The following GAS2 variants were observed in gnomAD, a reference collection of about 807,000 sequenced individuals.
GAS2 encodes growth arrest-specific protein 2.
GAS2 carries 20 observed loss-of-function variants against 37.5 expected under a neutral mutation model. That is an observed-to-expected ratio of 0.53 (90% CI 0.37 to 0.77). The LOEUF is 0.77. Among genes scored for constraint, GAS2 ranks in the 30% least tolerant of loss-of-function variants. The pLI is 0.00. For synonymous variants in GAS2, 144 were observed against 132.2 expected, an observed-to-expected ratio of 1.09 and a Z score of -0.61; for missense variants, 336 against 373.4, an observed-to-expected ratio of 0.90 and a Z score of 0.82.
intron 1 of GAS2, among the ~76,000 whole-genome samples, chr11:22,640,150 C>T (rs560183827): frequency 3.9e-4 from 59 of 152,272 alleles, no homozygotes; most frequent in African/African-American, 1.2e-3. Flanking sequence ...AGTTTCCTTG[C>T]GGGCACAGAT....
At chr11:22,728,807 G>A (rs1032849834) in intron 4 of GAS2, among the ~76,000 whole-genome samples, 1 of 151,290 alleles carries the variant, frequency 6.6e-6, no homozygotes, top group African/African-American at 2.4e-5. Flanking sequence ...GCTCATAAAT[G>A]TTCATGATAA....
chr11:22,702,493 C>T (rs1850894765), intron 3 of GAS2: 1 of 152,130 alleles, frequency 6.6e-6, no homozygotes, highest in Non-Finnish European at 1.5e-5. Flanking sequence ...ATATGCAAAG[C>T]ATGGAAAACC....
chr11:22,793,933 G>A (rs1856301371), intron 7 of GAS2, among the ~76,000 whole-genome samples: 2 of 152,162 alleles, frequency 1.3e-5, no homozygotes, highest in South Asian at 4.1e-4. Context: ...CCTAAGGTCA[G>A]AAGACTGTTC....
rs1183501959 is a variant in GAS2 at position 22,776,322 on chromosome 11, G to GCAATAACA, written c.723+20370_723+20371insAATAACAC. On this transcript the variant is annotated intron_variant, in intron 7 of 7. Transcript: ENST00000454584. ...GTTTTAGCAATGAATTTGCGTGGTGGCTGTGTTCCAATAACACTGTACTTA... is the reference window on the plus strand; with the variant it reads ...GTTTTAGCAATGAATTTGCGTGGTGGCAATAACACTGTGTTCCAATAACACTGTACTTA... Among the ~76,000 whole-genome samples, 545 of 152,298 alleles carry GCAATAACA rather than the reference G, an allele frequency of 3.6e-3. 1 individual carries two copies. Among genetic ancestry groups the GCAATAACA allele is most frequent in the African/African-American group, 0.012 (516 of 41,562 alleles).
At chr11:22,744,046 G>A (rs1197620756) in intron 5 of GAS2, among the ~76,000 whole-genome samples, 3 of 152,086 alleles carry the variant, frequency 2.0e-5, no homozygotes, top group Admixed American at 2.0e-4. Flanking sequence ...CTAGAGGAAT[G>A]GATAAAATCC....
chr11:22,727,817 T>G (rs1258821601), intron 4 of GAS2, among the ~76,000 whole-genome samples: 1 of 152,034 alleles, frequency 6.6e-6, no homozygotes, highest in Non-Finnish European at 1.5e-5. Flanking sequence ...ACAGATCAAT[T>G]TTAACTTTCA....
chr11:22,639,955 T>C (rs922536127), intron 1 of GAS2, among the ~76,000 whole-genome samples: 2 of 152,184 alleles, frequency 1.3e-5, no homozygotes, highest in Non-Finnish European at 2.9e-5. Context: ...TAATCCATCC[T>C]GTGGTCTTCT....
chr11:22,764,719 C>T (rs962990241), intron 7 of GAS2, among the ~76,000 whole-genome samples: 7 of 152,112 alleles, frequency 4.6e-5, no homozygotes, highest in Non-Finnish European at 1.0e-4. Flanking sequence ...AGTTAGAGAG[C>T]TCATTTCTTC....
chr11:22,652,242 G>A (rs558609565), intron 1 of GAS2, among the ~76,000 whole-genome samples: 9 of 152,316 alleles, frequency 5.9e-5, no homozygotes, highest in African/African-American at 2.2e-4. Flanking sequence ...GGGGGTCAGG[G>A]GGTCAGGGAC....
At chr11:22,754,539 C>T (rs1853918421) in intron 6 of GAS2, among the ~76,000 whole-genome samples, 1 of 152,038 alleles carries the variant, frequency 6.6e-6, no homozygotes, top group African/African-American at 2.4e-5. Context: ...TCTTTGTATA[C>T]ATCCTCACTG....
intron 7 of GAS2, among the ~76,000 whole-genome samples, chr11:22,800,426 G>T (rs111928564): frequency 4.8e-4 from 73 of 152,188 alleles, no homozygotes; most frequent in African/African-American, 1.7e-3. Flanking sequence ...ACTAGACAAT[G>T]GAGAGCCCTC....
intron 6 of GAS2, among the ~76,000 whole-genome samples, chr11:22,749,819 C>T (rs1374192021): frequency 6.6e-6 from 1 of 152,086 alleles, no homozygotes; most frequent in Admixed American, 6.6e-5. Context: ...CTTAGCAGAG[C>T]CCTTGAGTCA....
intron 7 of GAS2, among the ~76,000 whole-genome samples, chr11:22,795,718 T>C (rs1221621323): frequency 6.6e-6 from 1 of 152,072 alleles, no homozygotes. Flanking sequence ...CTCTGTAGTT[T>C]ACACCCAGGG....
At chr11:22,673,994 C>G (rs1216430271) in intron 1 of GAS2, among the ~76,000 whole-genome samples, 2 of 152,132 alleles carry the variant, frequency 1.3e-5, no homozygotes, top group Admixed American at 6.5e-5. Flanking sequence ...ATTGTTGTAG[C>G]AATAGCAGAG....
intron 1 of GAS2, among the ~76,000 whole-genome samples, chr11:22,673,033 A>G (rs1849266374): frequency 6.6e-6 from 1 of 152,172 alleles, no homozygotes; most frequent in Non-Finnish European, 1.5e-5. Context: ...AGATATATAT[A>G]AGATGTTTTC....
chr11:22,723,266 G>A (rs1852033570), intron 3 of GAS2, among the ~76,000 whole-genome samples: 1 of 151,840 alleles, frequency 6.6e-6, no homozygotes. Context: ...CTCAAGTTTT[G>A]GAGTATCAAT....
At chr11:22,631,723 A>G (rs1858746835) in intron 1 of GAS2, among the ~76,000 whole-genome samples, 1 of 151,904 alleles carries the variant, frequency 6.6e-6, no homozygotes, top group South Asian at 2.1e-4. Flanking sequence ...TCAGTTTGCT[A>G]GTATTTTGTT....
At chr11:22,674,724 T>G in intron 1 of GAS2, 126 bp from the exon 2 acceptor site, 1 of 663,060 alleles carries the variant, frequency 1.5e-6, no homozygotes, top group Non-Finnish European at 2.4e-6. Flanking sequence ...TTTCATGGGG[T>G]TAATAATTAA....
intron 1 of GAS2, among the ~76,000 whole-genome samples, chr11:22,634,584 G>A (rs1223889661): frequency 1.3e-5 from 2 of 152,112 alleles, no homozygotes; most frequent in African/African-American, 2.4e-5. Context: ...CCTTGATGTG[G>A]TATATTCCCA....
Sources: gnomAD v4.1 joint callset for allele counts (sites outside exome capture counted in the v4.1 genomes callset) on GRCh38, gnomAD v4.1.1 for gene constraint, MANE v1.5 for transcripts, NCBI Gene and HGNC (gene_info 2026-07-23, HGNC 2026-07-21) for gene names.